Variants in FRY observed in about 807,000 individuals in gnomAD.
FRY encodes protein furry homolog.
In FRY, 128 loss-of-function variants were observed where a neutral mutation model predicts 348.4. The observed-to-expected ratio is 0.37, with a 90% CI of 0.32 to 0.43. FRY has a LOEUF of 0.43. FRY is among the 20% of genes least tolerant of loss of function. The pLI is 1.00. For synonymous variants in FRY, 1,370 were observed against 1,374.7 expected (o/e 1.00, Z 0.08); for missense variants, 2,736 against 3,695.2 (o/e 0.74, Z 6.73).
Position 32,185,092 on chromosome 13 carries a change from AAG to A in FRY, c.3265_3266del (p.Asp1089TyrfsTer6). ...AATGACAAAGAAGTTGAAATTCTTA[AAG>A]ATATCCGGGCACATTTTAGTGCAAT... On this transcript the variant is annotated frameshift_variant, in exon 26 of 61. Coordinates refer to ENST00000542859, the MANE Select transcript of FRY (RefSeq NM_023037.3). LOFTEE classifies it high-confidence loss of function. 1.9e-6 allele frequency: 3 copies of A among 1,614,084 alleles called. No individual in the cohort carries two copies. Among genetic ancestry groups the A allele is most frequent in the Non-Finnish European group, 2.5e-6 (3 of 1,179,916 alleles).
chr13:32,155,619 A>C lies in FRY; in HGVS notation c.1608A>C (p.Thr536=), dbSNP rs375449576. The C allele has an allele frequency of 6.2e-7, 1 of 1,613,838 alleles. No individual in the cohort carries two copies. Among genetic ancestry groups the C allele is most frequent in the East Asian group, 2.2e-5 (1 of 44,870 alleles). ...GAAACACGTTAAGAGTAAAGAAAACATATTTGAGTAAAACACTAACTGAAG... is the reference window on the plus strand; with the variant it reads ...GAAACACGTTAAGAGTAAAGAAAACCTATTTGAGTAAAACACTAACTGAAG... The part of the protein sequence containing the change: ...PSGNTLRVKK[T]YLSKTLTEEE... The change falls in exon 15 of 61, where the codon ACA becomes ACC. Residue 536 remains threonine (T), a synonymous_variant. Coordinates refer to ENST00000542859, the MANE Select transcript of FRY (RefSeq NM_023037.3).
rs533428597 is a variant in FRY at position 32,070,019 on chromosome 13, C to T, written c.71-8815C>T. ...TAGAATGATGGTTTCCACCGTCATCCATGTCCCTGCAAAGGACATGAACTC... is the reference window on the plus strand; with the variant it reads ...TAGAATGATGGTTTCCACCGTCATCTATGTCCCTGCAAAGGACATGAACTC... On this transcript the variant is annotated intron_variant, in intron 1 of 60. Coordinates refer to ENST00000542859, the MANE Select transcript of FRY (RefSeq NM_023037.3). Among the ~76,000 whole-genome samples, 33 of 152,284 alleles carry T rather than the reference C, an allele frequency of 2.2e-4. No homozygotes were observed. The South Asian group carries it at 6.2e-3, about 29-fold the overall frequency.
intron 46 of FRY, among the ~76,000 whole-genome samples, chr13:32,240,420 T>A (rs1304041223): frequency 6.6e-6 from 1 of 152,238 alleles, no homozygotes; most frequent in Non-Finnish European, 1.5e-5. Flanking sequence ...TGGCTTGATA[T>A]GTTTAATGGT....
intron 2 of FRY, among the ~76,000 whole-genome samples, chr13:32,091,706 G>A (rs1160695558): frequency 6.6e-6 from 1 of 152,208 alleles, no homozygotes; most frequent in Admixed American, 6.5e-5. Flanking sequence ...GATCCTAATG[G>A]TGGTAGTTCC....
intron 48 of FRY, 28 bp from the exon 49 acceptor site, chr13:32,249,498 A>T (rs767024978): frequency 7.4e-6 from 12 of 1,613,232 alleles, no homozygotes; most frequent in Non-Finnish European, 1.0e-5. Flanking sequence ...ATTGAGACAG[A>T]ATAATGTGCG....
At chr13:32,275,298 G>T (rs1441089194) in intron 56 of FRY, among the ~76,000 whole-genome samples, 1 of 151,858 alleles carries the variant, frequency 6.6e-6, no homozygotes, top group Non-Finnish European at 1.5e-5. Context: ...TGAGGCAGGA[G>T]AATGGCATGA....
chr13:32,179,089 G>GAC (rs1882541170), intron 22 of FRY, 56 bp downstream of exon 22: 1 of 1,414,104 alleles, frequency 7.1e-7, no homozygotes, highest in Admixed American at 1.8e-5. Flanking sequence ...TAGCTTGTTT[G>GAC]TCTAGAGTTC....
rs1320362006 is a variant in FRY, at chr13:32,266,317, G to T, written c.7946+701G>T. 2.0e-5 allele frequency among the ~76,000 whole-genome samples: 3 copies of T among 152,128 alleles called. No individual in the cohort carries two copies. The East Asian group carries it at 5.8e-4, about 29-fold the overall frequency. ...TAAGGTAACACCTAGAGAAGAATTT[G>T]ACCTTTCATTTTTATTCATTATCTC... On this transcript the variant is annotated intron_variant, in intron 54 of 60. Transcript: ENST00000542859.
At chr13:32,162,445 G>A (rs73462646) in intron 17 of FRY, among the ~76,000 whole-genome samples, 1,632 of 152,082 alleles carry the variant, frequency 0.011, 17 homozygotes, top group African/African-American at 0.037. Context: ...GTGGAGCCCC[G>A]CACCTCCTGG....
At chr13:32,185,892 C>G (rs997508663) in intron 26 of FRY, among the ~76,000 whole-genome samples, 3 of 152,174 alleles carry the variant, frequency 2.0e-5, no homozygotes, top group Non-Finnish European at 4.4e-5. Context: ...AATAGACAGT[C>G]TATGCTATTT....
intron 11 of FRY, among the ~76,000 whole-genome samples, chr13:32,142,725 A>G (rs954507160): frequency 1.3e-5 from 2 of 152,250 alleles, no homozygotes; most frequent in African/African-American, 4.8e-5. Context: ...AATCTAGTTT[A>G]TGCATCAAGT....
chr13:32,188,029 A>G (rs1883124323), intron 28 of FRY, among the ~76,000 whole-genome samples: 1 of 152,140 alleles, frequency 6.6e-6, no homozygotes, highest in South Asian at 2.1e-4. Context: ...ACTGGAAAAT[A>G]TTTTTAACTG....
chr13:32,070,869 G>A lies in FRY; in HGVS notation c.71-7965G>A, dbSNP rs150890365. ...GGTCTAACATTTAAGTCTTTAATCC[G>A]TCTGGAATTAATTTTTGTGTAAGGT... On this transcript the variant is annotated intron_variant, in intron 1 of 60. Coordinates refer to ENST00000542859, the MANE Select transcript of FRY (RefSeq NM_023037.3). Among the ~76,000 whole-genome samples, 253 of 152,214 alleles carry A rather than the reference G, an allele frequency of 1.7e-3. 1 individual carries two copies. The highest frequency in any genetic ancestry group is 4.3e-3 in the African/African-American group (180 of 41,530).
At chr13:32,227,971 C>A (rs899445203) in intron 39 of FRY, among the ~76,000 whole-genome samples, 2 of 152,086 alleles carry the variant, frequency 1.3e-5, no homozygotes, top group Non-Finnish European at 2.9e-5. Flanking sequence ...AGGATGGTCT[C>A]GATCTCCTGA....
chr13:32,278,801 A>G (rs1888671935), intron 58 of FRY, among the ~76,000 whole-genome samples: 1 of 152,214 alleles, frequency 6.6e-6, no homozygotes, highest in African/African-American at 2.4e-5. Context: ...CTGTCTAACT[A>G]TACTAATAAT....
At chr13:32,240,902 C>G (rs1052228097) in intron 46 of FRY, among the ~76,000 whole-genome samples, 1 of 152,178 alleles carries the variant, frequency 6.6e-6, no homozygotes, top group African/African-American at 2.4e-5. Flanking sequence ...ATCTACCTAG[C>G]AGAGGAGAGA....
Position 32,147,319 on chromosome 13 carries a change from C to A in FRY, c.1217C>A (p.Ser406Tyr). ...DPKMARVALE[S>Y]LYRLLWVYMI... ...AAGATGGCTCGAGTTGCACTGGAAT[C>A]TCTCTACAGATTACTTTGGGTTTAC... The change falls in exon 12 of 61, where the codon TCT becomes TAT. Residue 406 changes from serine to tyrosine, a missense_variant. Physicochemically the swap from Ser to Tyr is moderately radical, Grantham distance 144 (BLOSUM62 -2). Coordinates refer to ENST00000542859, the MANE Select transcript of FRY (RefSeq NM_023037.3). The A allele has an allele frequency of 6.2e-7, 1 of 1,611,926 alleles. No individual in the cohort carries two copies. The highest frequency in any genetic ancestry group is 8.5e-7 in the Non-Finnish European group (1 of 1,178,014).
chr13:32,158,324 A>G (rs978904863), intron 16 of FRY, among the ~76,000 whole-genome samples: 6 of 152,194 alleles, frequency 3.9e-5, no homozygotes, highest in African/African-American at 1.2e-4. Flanking sequence ...CCTTATGTCA[A>G]TACAAATGTA....
intron 11 of FRY, among the ~76,000 whole-genome samples, chr13:32,145,805 A>C (rs984527609): frequency 1.3e-5 from 2 of 151,512 alleles, no homozygotes; most frequent in African/African-American, 4.9e-5. Context: ...CGGCCTCCCA[A>C]AGTGCTGGGA....
Sources: gnomAD v4.1 joint callset for allele counts (sites outside exome capture counted in the v4.1 genomes callset) on GRCh38, gnomAD v4.1.1 for gene constraint, MANE v1.5 for transcripts, NCBI Gene and HGNC (gene_info 2026-07-23, HGNC 2026-07-21) for gene names.